CNTN1: variants seen among roughly 807,000 people sequenced by gnomAD.
The protein encoded by CNTN1 is contactin 1, also known as contactin-1.
Under a neutral mutation model 126.4 loss-of-function variants are expected in CNTN1, and 38 were observed. The ratio of observed to expected loss-of-function variants is 0.30; its 90% CI spans 0.23 to 0.39. The LOEUF (loss-of-function observed/expected upper bound fraction) is 0.39. CNTN1 is among the 10% of genes least tolerant of loss of function. The probability of loss-of-function intolerance (pLI) is 1.00; values close to 1 mark genes in which losing one functional copy is unlikely to be tolerated. For synonymous variants in CNTN1, 413 were observed against 422.6 expected (o/e 0.98, Z 0.28); for missense variants, 1,009 against 1,248.4 (o/e 0.81, Z 2.89).
chr12:40,949,905 A>T (rs1246555435), intron 14 of CNTN1, among the ~76,000 whole-genome samples: 1 of 151,230 alleles, frequency 6.6e-6, no homozygotes, highest in Non-Finnish European at 1.5e-5. Context: ...GAAGGTTAAG[A>T]TTATCCAGAA....
intron 14 of CNTN1, among the ~76,000 whole-genome samples, chr12:40,955,091 C>T (rs1946826974): frequency 6.6e-6 from 1 of 151,984 alleles, no homozygotes; most frequent in Admixed American, 6.6e-5. Context: ...GTAGTTAACT[C>T]TTGCCCGAAA....
intron 14 of CNTN1, among the ~76,000 whole-genome samples, chr12:40,952,931 T>C (rs1323203256): frequency 6.6e-6 from 1 of 152,168 alleles, no homozygotes; most frequent in Non-Finnish European, 1.5e-5. Context: ...CATCTATATC[T>C]CTCCCTTTAC....
intron 23 of CNTN1, among the ~76,000 whole-genome samples, chr12:41,050,038 T>G (rs1949636435): frequency 6.6e-6 from 1 of 152,144 alleles, no homozygotes; most frequent in Non-Finnish European, 1.5e-5. Flanking sequence ...TAGCTGGGAT[T>G]ACAGGTGCAT....
intron 23 of CNTN1, among the ~76,000 whole-genome samples, chr12:41,055,750 T>C (rs1023656664): frequency 7.2e-5 from 11 of 152,140 alleles, no homozygotes; most frequent in Admixed American, 6.6e-4. Flanking sequence ...TTTAGATGGT[T>C]CCTGCCCACT....
At chr12:40,744,492 T>C (rs1293834085) in intron 1 of CNTN1, among the ~76,000 whole-genome samples, 1 of 152,036 alleles carries the variant, frequency 6.6e-6, no homozygotes, top group African/African-American at 2.4e-5. Flanking sequence ...CATGGTAGCA[T>C]AAAATGCTAC....
chr12:40,773,111 T>C (rs1480903131), intron 1 of CNTN1, among the ~76,000 whole-genome samples: 3 of 151,854 alleles, frequency 2.0e-5, no homozygotes, highest in Non-Finnish European at 4.4e-5. Context: ...ATGCAATATA[T>C]CCACCATATG....
intron 1 of CNTN1, among the ~76,000 whole-genome samples, chr12:40,809,331 C>T (rs1940966811): frequency 6.6e-6 from 1 of 152,088 alleles, no homozygotes; most frequent in Non-Finnish European, 1.5e-5. Flanking sequence ...TGCAATAACT[C>T]CACAAAATGA....
At chr12:40,838,883 G>A (rs555103661) in intron 1 of CNTN1, among the ~76,000 whole-genome samples, 6 of 152,272 alleles carry the variant, frequency 3.9e-5, no homozygotes, top group Non-Finnish European at 8.8e-5. Flanking sequence ...ATGTGACACC[G>A]CCAGAGGAAC....
intron 1 of CNTN1, among the ~76,000 whole-genome samples, chr12:40,857,331 G>A (rs1942948070): frequency 6.6e-6 from 1 of 152,088 alleles, no homozygotes; most frequent in Non-Finnish European, 1.5e-5. Flanking sequence ...TAGGGCTGTT[G>A]AAAATAGCAA....
chr12:40,764,435 A>ATC (rs140973791), intron 1 of CNTN1, among the ~76,000 whole-genome samples: 2,699 of 152,294 alleles, frequency 0.018, 87 homozygotes, highest in African/African-American at 0.062. Flanking sequence ...TGATTAAGCC[A>ATC]TCTGTGTTTT....
In CNTN1 at chr12:41,032,274, C is replaced by T. The variant is rs114846356; in HGVS notation, c.2980+3055C>T. Among the ~76,000 whole-genome samples, 945 of 150,436 alleles carry T rather than the reference C, an allele frequency of 6.3e-3. 12 individuals carry two copies. Among genetic ancestry groups the T allele is most frequent in the African/African-American group, 0.021 (866 of 40,848 alleles). On this transcript the variant is annotated intron_variant, in intron 23 of 23. Coordinates refer to ENST00000551295, the MANE Select transcript of CNTN1 (RefSeq NM_001843.4). The stretch of plus-strand genomic sequence containing the variant: ...ACTCTCCTGTTAGAAAGATGGCTCA[C>T]AGGGAATGGTGTGAACCCTGGAGGT...
At chr12:40,770,705 A>T (rs772554655) in intron 1 of CNTN1, among the ~76,000 whole-genome samples, 21 of 152,174 alleles carry the variant, frequency 1.4e-4, no homozygotes, top group Non-Finnish European at 2.6e-4. Context: ...TATGCCATTA[A>T]CAAAAATATA....
At chr12:40,981,632 C>T (rs866583356) in intron 16 of CNTN1, among the ~76,000 whole-genome samples, 5 of 152,112 alleles carry the variant, frequency 3.3e-5, no homozygotes, top group Middle Eastern at 3.4e-3. Flanking sequence ...TAAAGTTGAT[C>T]GGGAAAAATT....
At chr12:40,957,245 T>C (rs1244857252) in intron 14 of CNTN1, among the ~76,000 whole-genome samples, 1 of 151,416 alleles carries the variant, frequency 6.6e-6, no homozygotes, top group African/African-American at 2.4e-5. Flanking sequence ...TATGAGAAAA[T>C]AAGAATTATT....
Position 40,959,098 on chromosome 12 carries a change from C to T in CNTN1, c.1684-16C>T, listed in dbSNP as rs1947008253. On this transcript the variant is annotated splice_polypyrimidine_tract_variant and intron_variant, in intron 14 of 23. Transcript: ENST00000551295. Reference sequence around the variant, plus strand: ...AAAAATGTACTGATTTGAATAATTGCTGTTTTTGCTAACAGCTGGATTCCA... The same window carrying T: ...AAAAATGTACTGATTTGAATAATTGTTGTTTTTGCTAACAGCTGGATTCCA... The T allele has an allele frequency of 2.5e-6, 4 of 1,611,838 alleles. No homozygotes were observed. Among genetic ancestry groups the T allele is most frequent in the African/African-American group, 1.3e-5 (1 of 74,924 alleles).
chr12:40,773,756 G>A (rs1200053170), intron 1 of CNTN1, among the ~76,000 whole-genome samples: 1 of 144,760 alleles, frequency 6.9e-6, no homozygotes, highest in Non-Finnish European at 1.5e-5. Context: ...GTACTTTCTG[G>A]CAAGTGTGAG....
intron 15 of CNTN1, among the ~76,000 whole-genome samples, chr12:40,974,029 C>T (rs974902029): frequency 3.3e-5 from 5 of 152,074 alleles, no homozygotes; most frequent in Non-Finnish European, 7.4e-5. Flanking sequence ...CTAAATTCCT[C>T]TTCATTGAAT....
chr12:40,839,195 A>G (rs1175391259), intron 1 of CNTN1, among the ~76,000 whole-genome samples: 1 of 152,214 alleles, frequency 6.6e-6, no homozygotes, highest in African/African-American at 2.4e-5. Flanking sequence ...CAGAATTTGA[A>G]GATAGGTCTT....
intron 1 of CNTN1, among the ~76,000 whole-genome samples, chr12:40,835,993 T>TGC (rs1254002309): frequency 4.6e-5 from 2 of 43,738 alleles, no homozygotes; most frequent in Non-Finnish European, 1.2e-4. Context: ...TATATGTGTG[T>TGC]GTGTGTGTGT....
Sources: allele counts gnomAD v4.1 joint callset (sites outside exome capture counted in the v4.1 genomes callset), GRCh38; gene constraint gnomAD v4.1.1; transcripts MANE v1.5; gene names NCBI Gene and HGNC (gene_info 2026-07-23, HGNC 2026-07-21).